The following COG5 variants were observed in gnomAD, a reference collection of about 807,000 sequenced individuals.
The protein encoded by COG5 is component of oligomeric golgi complex 5, also known as conserved oligomeric Golgi complex subunit 5.
Under a neutral mutation model 110.4 loss-of-function variants are expected in COG5, and 86 were observed. The ratio of observed to expected loss-of-function variants is 0.78; its 90% CI spans 0.65 to 0.93. The LOEUF (loss-of-function observed/expected upper bound fraction) is 0.93, where lower values mean the gene tolerates loss of function less well. Ranked by LOEUF, COG5 falls within the 40% of genes least tolerant of loss-of-function variation. COG5 has a pLI of 0.00. For missense variants in COG5, 1,077 were observed against 987.0 expected, an observed-to-expected ratio of 1.09 and a Z score of -1.22; for synonymous variants, 360 against 334.6, an observed-to-expected ratio of 1.08 and a Z score of -0.83.
intron 6 of COG5, among the ~76,000 whole-genome samples, chr7:107,473,573 T>C (rs1015979556): frequency 2.6e-5 from 4 of 151,984 alleles, no homozygotes; most frequent in Non-Finnish European, 5.9e-5. Flanking sequence ...ACACTTGTCC[T>C]GTTCATTTGA....
chr7:107,379,459 TA>T (rs1483349163), intron 7 of COG5, among the ~76,000 whole-genome samples: 5 of 152,124 alleles, frequency 3.3e-5, no homozygotes. Context: ...ATGCCCCAAT[TA>T]AAAGACACGG....
chr7:107,398,088 T>C (rs1470294868), intron 7 of COG5, among the ~76,000 whole-genome samples: 3 of 152,122 alleles, frequency 2.0e-5, no homozygotes, highest in African/African-American at 7.2e-5. Context: ...CAAAAATTTC[T>C]TTCATAATAT....
intron 6 of COG5, among the ~76,000 whole-genome samples, chr7:107,427,725 C>CA (rs1411777743): frequency 2.0e-5 from 3 of 152,014 alleles, no homozygotes; most frequent in African/African-American, 7.2e-5. Flanking sequence ...CCAGCTCAGC[C>CA]TGTGGCTGGG....
chr7:107,521,660 T>G (rs968387219), intron 6 of COG5, among the ~76,000 whole-genome samples: 1 of 152,158 alleles, frequency 6.6e-6, no homozygotes, highest in Non-Finnish European at 1.5e-5. Context: ...TGTGGAGAAA[T>G]AGGAATGCTT....
Position 107,298,149 on chromosome 7 carries a change from C to A in COG5, c.1306G>T (p.Asp436Tyr). ...AQDIFIPKKP[D>Y]YDPEKALKDS... ...CAAATTAAACAAACATACTCATAAT[C>A]TGGCTTTTTTGGTATGAATATATCT... is the stretch of plus-strand genomic sequence containing the variant. Residue 436 changes from aspartate (D) to tyrosine (Y), a missense_variant, in exon 12 of 22, where the codon GAT (aspartate) becomes TAT (tyrosine). Transcript: ENST00000297135. The A allele has an allele frequency of 6.4e-7, 1 of 1,561,598 alleles. No homozygotes were observed. Among genetic ancestry groups the A allele is most frequent in the Non-Finnish European group, 8.7e-7 (1 of 1,150,354 alleles).
chr7:107,344,819 T>A (rs575933697), intron 10 of COG5, among the ~76,000 whole-genome samples: 1 of 152,334 alleles, frequency 6.6e-6, no homozygotes, highest in African/African-American at 2.4e-5. Flanking sequence ...CCACCGCGCC[T>A]GGCCGACTGT....
At chr7:107,275,915 TC>T (rs1352696552) in intron 14 of COG5, among the ~76,000 whole-genome samples, 3 of 152,188 alleles carry the variant, frequency 2.0e-5, no homozygotes, top group African/African-American at 7.2e-5. Context: ...TATGTTTTTT[TC>T]CATCATAGGA....
intron 6 of COG5, among the ~76,000 whole-genome samples, chr7:107,453,814 T>C (rs914771964): frequency 1.3e-5 from 2 of 152,168 alleles, no homozygotes; most frequent in African/African-American, 4.8e-5. Context: ...GTCTTTATTC[T>C]AGGCTAAATG....
intron 12 of COG5, 43 bp downstream of exon 12, chr7:107,298,099 A>T: frequency 1.0e-6 from 1 of 957,248 alleles, no homozygotes; most frequent in Non-Finnish European, 1.5e-6. Flanking sequence ...AAATAAAAAT[A>T]AAATTAAGAT....
chr7:107,551,152 C>G (rs1477698489), intron 3 of COG5, among the ~76,000 whole-genome samples: 4 of 152,276 alleles, frequency 2.6e-5, no homozygotes, highest in South Asian at 4.1e-4. Context: ...ACGCCATTCT[C>G]CTGCCTCAGC....
chr7:107,275,065 T>TTATA (rs2116748629), intron 14 of COG5, among the ~76,000 whole-genome samples: 1 of 152,198 alleles, frequency 6.6e-6, no homozygotes, highest in Admixed American at 6.5e-5. Context: ...AGTGCTAGGA[T>TTATA]TATAGGTATA....
intron 10 of COG5, among the ~76,000 whole-genome samples, chr7:107,342,927 T>C (rs1441277369): frequency 1.3e-5 from 2 of 152,198 alleles, no homozygotes; most frequent in African/African-American, 4.8e-5. Context: ...TGTATGTTCA[T>C]CATAGTGCTA....
At chr7:107,288,856 T>C (rs546424103) in intron 12 of COG5, among the ~76,000 whole-genome samples, 8 of 145,488 alleles carry the variant, frequency 5.5e-5, no homozygotes, top group African/African-American at 2.0e-4. Context: ...GTCTAAGAAT[T>C]ATTTACCAAA....
At position 107,298,153 on chromosome 7, in the gene COG5, C is replaced by G. The variant is rs200021706; in HGVS notation, c.1302G>C (p.Lys434Asn). Residue 434 changes from lysine to asparagine, a missense_variant, in exon 12 of 22, where the codon AAG (lysine) becomes AAC (asparagine). By Grantham distance (94) the Lys-to-Asn change is moderately conservative (BLOSUM62 0). Coordinates refer to ENST00000297135, the MANE Select transcript of COG5 (RefSeq NM_006348.5). ...DDAQDIFIPKKPDYDPEKALK... is the reference protein window; with the variant it reads ...DDAQDIFIPKNPDYDPEKALK... ...TTAAACAAACATACTCATAATCTGG[C>G]TTTTTTGGTATGAATATATCTTGTG... 1.3e-6 allele frequency: 2 copies of G among 1,569,192 alleles called. No homozygotes were observed. Among genetic ancestry groups the G allele is most frequent in the African/African-American group, 2.7e-5 (2 of 73,960 alleles).
intron 6 of COG5, among the ~76,000 whole-genome samples, chr7:107,422,690 TAAAA>T (rs972014653): frequency 7.0e-6 from 1 of 142,230 alleles, no homozygotes. Flanking sequence ...TAATGAAACT[TAAAA>T]AAAAAAAAAA....
chr7:107,432,763 C>T (rs570626865), intron 6 of COG5, among the ~76,000 whole-genome samples: 10 of 151,802 alleles, frequency 6.6e-5, no homozygotes, highest in South Asian at 4.2e-4. Context: ...CATCCATTTT[C>T]GCAAAAAAAA....
intron 6 of COG5, among the ~76,000 whole-genome samples, chr7:107,493,545 C>T (rs1376380055): frequency 6.6e-6 from 1 of 152,114 alleles, no homozygotes; most frequent in East Asian, 1.9e-4. Context: ...TAAAACAGAA[C>T]TTATTTATAA....
intron 5 of COG5, among the ~76,000 whole-genome samples, chr7:107,546,435 G>GTTTTTTTTT (rs754919944): frequency 0.073 from 8,653 of 118,366 alleles, 468 homozygotes; most frequent in Non-Finnish European, 0.11. Context: ...TTGGTTTTTT[G>GTTTTTTTTT]TTTTTTTTTT....
At chr7:107,558,435 T>G (rs553521583) in intron 1 of COG5, among the ~76,000 whole-genome samples, 2 of 150,256 alleles carry the variant, frequency 1.3e-5, no homozygotes, top group African/African-American at 4.9e-5. Context: ...TCAAACCCCA[T>G]CTCTACAAAA....
Sources: gnomAD v4.1 joint callset for allele counts (sites outside exome capture counted in the v4.1 genomes callset) on GRCh38, gnomAD v4.1.1 for gene constraint, MANE v1.5 for transcripts, NCBI Gene and HGNC (gene_info 2026-07-23, HGNC 2026-07-21) for gene names.